CRADD: variants seen among roughly 807,000 people sequenced by gnomAD.
CRADD encodes the protein death domain-containing protein CRADD.
A neutral mutation model predicts 15.5 loss-of-function variants in CRADD; 9 were observed. The observed-to-expected ratio is 0.58, with a 90% CI of 0.35 to 1.01. The LOEUF is 1.01. CRADD is among the 50% of genes least tolerant of loss of function. CRADD has a pLI of 0.02. For missense variants in CRADD, 227 were observed against 250.3 expected (o/e 0.91, Z 0.63); for synonymous variants, 118 against 107.6 (o/e 1.10, Z -0.60).
chr12:93,854,018 T>C (rs1412083016), downstream of CRADD, among the ~76,000 whole-genome samples: 2 of 152,240 alleles, frequency 1.3e-5, no homozygotes, highest in East Asian at 3.8e-4. Flanking sequence ...GGATCCCTGG[T>C]TTGTTTAGCG....
intron 2 of CRADD, among the ~76,000 whole-genome samples, chr12:93,730,969 T>C (rs1383103037): frequency 6.6e-6 from 1 of 152,126 alleles, no homozygotes; most frequent in Non-Finnish European, 1.5e-5. Context: ...CTGCCTGCCT[T>C]GGCCTCCCAA....
intron 2 of CRADD, among the ~76,000 whole-genome samples, chr12:93,782,582 A>T (rs920620702): frequency 6.7e-6 from 1 of 148,424 alleles, no homozygotes; most frequent in African/African-American, 2.5e-5. Flanking sequence ...CAACAGCGAG[A>T]CTCCGTCTCA....
chr12:93,877,896 C>T (rs1958468326), intron 2 of CRADD, among the ~76,000 whole-genome samples: 1 of 152,106 alleles, frequency 6.6e-6, no homozygotes. Context: ...TTTGCTTTTC[C>T]CTCTGCTTTT....
At chr12:93,854,192 T>C (rs1264641607), downstream of CRADD, among the ~76,000 whole-genome samples, 1 of 151,752 alleles carries the variant, frequency 6.6e-6, no homozygotes, top group Non-Finnish European at 1.5e-5. Context: ...AGCTGATTTC[T>C]GCTGGGCTCT....
intron 2 of CRADD, among the ~76,000 whole-genome samples, chr12:93,863,215 A>G (rs1402897189): frequency 6.6e-6 from 1 of 151,438 alleles, no homozygotes; most frequent in East Asian, 1.9e-4. Flanking sequence ...GTCAGATGCC[A>G]GGTGGCACCT....
At chr12:93,846,811 G>A (rs1354883994) in intron 2 of CRADD, among the ~76,000 whole-genome samples, 1 of 152,162 alleles carries the variant, frequency 6.6e-6, no homozygotes, top group African/African-American at 2.4e-5. Context: ...TGGTTAGAAG[G>A]TTATGCCAGC....
intron 2 of CRADD, among the ~76,000 whole-genome samples, chr12:93,820,773 CAT>C (rs758887759): frequency 1.3e-5 from 2 of 152,180 alleles, no homozygotes; most frequent in Non-Finnish European, 2.9e-5. Context: ...GATCATGCCC[CAT>C]TTCTCTCAGA....
intron 2 of CRADD, among the ~76,000 whole-genome samples, chr12:93,805,673 G>A (rs576188019): frequency 2.6e-5 from 4 of 152,238 alleles, no homozygotes; most frequent in Admixed American, 2.0e-4. Context: ...GAAGAAATAT[G>A]TATTAGCAAG....
chr12:93,852,692 T>A (rs12298457), downstream of CRADD, among the ~76,000 whole-genome samples: 57,647 of 152,144 alleles, frequency 0.38, 11,243 homozygotes, highest in East Asian at 0.66. Flanking sequence ...ATTTCCTGTG[T>A]TTGTATGGGA....
At chr12:93,701,295 GACACACACACAC>G (rs55986038) in intron 2 of CRADD, among the ~76,000 whole-genome samples, 8 of 143,352 alleles carry the variant, frequency 5.6e-5, no homozygotes, top group South Asian at 2.3e-4. Flanking sequence ...CTCTCTCTGT[GACACACACACAC>G]ACACACACAC....
chr12:93,882,762 G>A (rs1043642193), intron 2 of CRADD, among the ~76,000 whole-genome samples: 2 of 152,198 alleles, frequency 1.3e-5, no homozygotes, highest in African/African-American at 4.8e-5. Context: ...GGGAAGGAGA[G>A]GAAATGCACA....
chr12:93,863,643 TGA>T (rs1565943199), intron 2 of CRADD, among the ~76,000 whole-genome samples: 2 of 149,330 alleles, frequency 1.3e-5, no homozygotes, highest in African/African-American at 2.5e-5. Context: ...TGTGTGTGTG[TGA>T]AGCTGTCATC....
chr12:93,887,367 G>A (rs1958544887), intron 2 of CRADD, among the ~76,000 whole-genome samples: 1 of 152,170 alleles, frequency 6.6e-6, no homozygotes, highest in Non-Finnish European at 1.5e-5. Context: ...TCAATGCCAG[G>A]GCCGCTAACG....
chr12:93,894,426 C>A, exon 3 of CRADD: 1 of 308,326 alleles, frequency 3.2e-6, no homozygotes, highest in Non-Finnish European at 6.2e-6. Context: ...CAGAGCTCAG[C>A]AGTCCAGAGC....
At chr12:93,755,732 T>C (rs1956883135) in intron 2 of CRADD, among the ~76,000 whole-genome samples, 3 of 152,264 alleles carry the variant, frequency 2.0e-5, no homozygotes, top group Non-Finnish European at 2.9e-5. Flanking sequence ...GGTTGAGTGA[T>C]GCTTATTGAT....
At chr12:93,881,673 C>T (rs1251562035) in intron 2 of CRADD, among the ~76,000 whole-genome samples, 1 of 152,162 alleles carries the variant, frequency 6.6e-6, no homozygotes, top group Non-Finnish European at 1.5e-5. Flanking sequence ...GTAAAGAAGA[C>T]TTGTACTATA....
chr12:93,731,961 A>G (rs544951316), intron 2 of CRADD, among the ~76,000 whole-genome samples: 99 of 152,022 alleles, frequency 6.5e-4, no homozygotes, highest in African/African-American at 2.3e-3. Context: ...ACATGGAGAA[A>G]CTCCATCTCT....
intron 2 of CRADD, among the ~76,000 whole-genome samples, chr12:93,840,184 C>G (rs1958030677): frequency 6.6e-6 from 1 of 152,198 alleles, no homozygotes; most frequent in Non-Finnish European, 1.5e-5. Context: ...TATATTATAA[C>G]AATGTCATCC....
intron 2 of CRADD, chr12:93,837,634 T>C (rs753695184): frequency 1.3e-5 from 2 of 152,220 alleles, no homozygotes; most frequent in Non-Finnish European, 2.9e-5. Context: ...ACGAGGGTTG[T>C]TTCTATCTTA....
Sources: gnomAD v4.1 joint callset for allele counts (sites outside exome capture counted in the v4.1 genomes callset) on GRCh38, gnomAD v4.1.1 for gene constraint, MANE v1.5 for transcripts, NCBI Gene and HGNC (gene_info 2026-07-23, HGNC 2026-07-21) for gene names.